NRXN1: variants seen among roughly 807,000 people sequenced by gnomAD.
NRXN1 encodes neurexin-1.
Under a neutral mutation model 150.9 loss-of-function variants are expected in NRXN1, and 39 were observed. The observed-to-expected ratio is 0.26, with a 90% CI of 0.20 to 0.34. The LOEUF is 0.34. Ranked by LOEUF, NRXN1 falls within the 10% of genes least tolerant of loss-of-function variation. The pLI, the probability that NRXN1 is intolerant of heterozygous loss-of-function variation, is 1.00. For missense variants in NRXN1, 1,815 were observed against 1,949.9 expected, an observed-to-expected ratio of 0.93 and a Z score of 1.30; for synonymous variants, 924 against 757.0, an observed-to-expected ratio of 1.22 and a Z score of -3.62.
At chr2:50,323,303 T>A (rs1285205129) in intron 17 of NRXN1, among the ~76,000 whole-genome samples, 1 of 152,148 alleles carries the variant, frequency 6.6e-6, no homozygotes, top group African/African-American at 2.4e-5. Context: ...AACAAAATAA[T>A]TTGCATTTCT....
intron 17 of NRXN1, among the ~76,000 whole-genome samples, chr2:50,459,969 T>A (rs2087994874): frequency 6.6e-6 from 1 of 152,064 alleles, no homozygotes; most frequent in Non-Finnish European, 1.5e-5. Flanking sequence ...TAAACACGGA[T>A]ATATAATGCA....
intron 17 of NRXN1, among the ~76,000 whole-genome samples, chr2:50,382,362 C>T (rs2081033049): frequency 6.6e-6 from 1 of 152,090 alleles, no homozygotes; most frequent in South Asian, 2.1e-4. Context: ...TGAGAAATAA[C>T]AAATTGTGGT....
At chr2:50,912,993 T>C (rs1231910340) in intron 5 of NRXN1, 2 of 151,892 alleles carry the variant, frequency 1.3e-5, no homozygotes, top group East Asian at 3.9e-4. Context: ...CAGCCAGTCC[T>C]CTGGAAAAGA....
chr2:50,531,978 T>C (rs2093128104), intron 10 of NRXN1, among the ~76,000 whole-genome samples: 2 of 152,088 alleles, frequency 1.3e-5, no homozygotes, highest in South Asian at 4.1e-4. Flanking sequence ...CCTGAGTAGC[T>C]GGGACCACAG....
rs527609876 is a variant in NRXN1 at position 50,971,378 on chromosome 2, T to C, written c.773-45423A>G. Among the ~76,000 whole-genome samples the C allele has an allele frequency of 2.6e-5, 4 of 151,752 alleles. No homozygotes were observed. In the South Asian group the frequency reaches 8.3e-4, roughly 32 times the overall value. The stretch of plus-strand genomic sequence containing the variant: ...AGTGGGCGGATCACAAGGTCAGGAG[T>C]TTGAGACCAGCCTGGCCAACATGGT... On this transcript the variant is annotated intron_variant, in intron 2 of 22. Coordinates refer to ENST00000401669, the MANE Select transcript of NRXN1 (RefSeq NM_001330078.2).
intron 18 of NRXN1, among the ~76,000 whole-genome samples, chr2:50,099,906 G>T (rs916260749): frequency 6.6e-6 from 1 of 152,100 alleles, no homozygotes; most frequent in Non-Finnish European, 1.5e-5. Context: ...CTGAGGCAGA[G>T]CATGCTTGAT....
In NRXN1 at chr2:50,820,610, G is replaced by A. The variant is rs140641105; in HGVS notation, c.832+101259C>T. On this transcript the variant is annotated intron_variant, in intron 5 of 22. Coordinates refer to ENST00000401669, the MANE Select transcript of NRXN1 (RefSeq NM_001330078.2). ...TGTTTCCAACCTATTCTTGTTTGCCGTCTGCCTTTCATCCTCGCTCTACCC... is the reference window on the plus strand; with the variant it reads ...TGTTTCCAACCTATTCTTGTTTGCCATCTGCCTTTCATCCTCGCTCTACCC... Among the ~76,000 whole-genome samples the A allele has an allele frequency of 4.9e-3, 747 of 152,222 alleles. 6 individuals are homozygous for A. Among genetic ancestry groups the A allele is most frequent in the African/African-American group, 0.017 (702 of 41,522 alleles).
intron 5 of NRXN1, among the ~76,000 whole-genome samples, chr2:50,765,450 T>C (rs548895866): frequency 1.3e-3 from 194 of 152,182 alleles, no homozygotes; most frequent in African/African-American, 4.4e-3. Context: ...CACTTTTCTC[T>C]GTTTCCTTGT....
chr2:50,367,233 C>T (rs902776589), intron 17 of NRXN1, among the ~76,000 whole-genome samples: 3 of 152,006 alleles, frequency 2.0e-5, no homozygotes, highest in African/African-American at 7.2e-5. Flanking sequence ...TACTATGGAA[C>T]TAAAGAAATG....
intron 8 of NRXN1, among the ~76,000 whole-genome samples, chr2:50,586,948 T>C (rs1413866752): frequency 1.3e-5 from 2 of 152,210 alleles, no homozygotes; most frequent in African/African-American, 4.8e-5. Context: ...TTGCCATTGG[T>C]GTCAATACAT....
rs183002338 is a variant in NRXN1 at position 50,924,768 on chromosome 2, T to C, written c.790+1170A>G. Among the ~76,000 whole-genome samples the C allele has an allele frequency of 2.6e-4, 39 of 151,864 alleles. No individual in the cohort carries two copies. In the East Asian group the frequency reaches 5.8e-3, roughly 23 times the overall value. On this transcript the variant is annotated intron_variant, in intron 3 of 22. Transcript: ENST00000401669. Reference sequence around the variant, plus strand: ...TTATTTAAATAACAAAACAGAAATGTTCAGCAGCTAAGCAATTATAATATT... The same window carrying C: ...TTATTTAAATAACAAAACAGAAATGCTCAGCAGCTAAGCAATTATAATATT...
rs148730088 is a variant in NRXN1 at position 50,696,952 on chromosome 2, T to C, written c.833-73337A>G. 1.8e-3 allele frequency among the ~76,000 whole-genome samples: 273 copies of C among 152,198 alleles called. 2 individuals carry two copies. Among genetic ancestry groups the C allele is most frequent in the Non-Finnish European group, 2.0e-3 (135 of 68,010 alleles). ...AACAGAAACCAGTGGCATTGTTAAT[T>C]TCCACTTTTGTTTCCAAATTGTTGC... On this transcript the variant is annotated intron_variant, in intron 5 of 22. Coordinates refer to ENST00000401669, the MANE Select transcript of NRXN1 (RefSeq NM_001330078.2).
chr2:50,987,869 G>A (rs1443578209), intron 2 of NRXN1, among the ~76,000 whole-genome samples: 3 of 151,872 alleles, frequency 2.0e-5, no homozygotes, highest in African/African-American at 7.2e-5. Flanking sequence ...TGCAGAAAAG[G>A]AACACTACGA....
At chr2:50,541,758 C>T (rs2093395280) in intron 9 of NRXN1, among the ~76,000 whole-genome samples, 1 of 143,562 alleles carries the variant, frequency 7.0e-6, no homozygotes, top group African/African-American at 2.5e-5. Flanking sequence ...AAAAAATATT[C>T]AACTCTACAG....
intron 17 of NRXN1, among the ~76,000 whole-genome samples, chr2:50,329,923 C>T (rs572235715): frequency 3.4e-4 from 52 of 151,550 alleles, no homozygotes; most frequent in African/African-American, 1.1e-3. Context: ...CCACCCGCCT[C>T]GGCCTCCAAA....
At chr2:50,872,869 G>T (rs892012684) in intron 5 of NRXN1, among the ~76,000 whole-genome samples, 2 of 151,828 alleles carry the variant, frequency 1.3e-5, no homozygotes, top group Admixed American at 1.3e-4. Flanking sequence ...ATGTAGTGAA[G>T]AATTTACACG....
intron 21 of NRXN1, among the ~76,000 whole-genome samples, chr2:50,001,318 C>T (rs1425825495): frequency 1.3e-5 from 2 of 152,120 alleles, no homozygotes; most frequent in African/African-American, 2.4e-5. Flanking sequence ...TAACTGCTTA[C>T]ATTGAAGACA....
chr2:50,735,078 T>C lies in NRXN1; in HGVS notation c.833-111463A>G, dbSNP rs1276369333. 7.9e-5 allele frequency among the ~76,000 whole-genome samples: 12 copies of C among 152,296 alleles called. No individual in the cohort carries two copies. In the East Asian group the frequency reaches 2.3e-3, roughly 29 times the overall value. On this transcript the variant is annotated intron_variant, in intron 5 of 22. Transcript: ENST00000401669. ...TTAGAGTGAAATGGTGTTAGACTAT[T>C]CTCATTAACTTTTAAAAGCTTAAAG...
intron 2 of NRXN1, among the ~76,000 whole-genome samples, chr2:50,956,414 T>TTAAG (rs1342701499): frequency 2.6e-5 from 4 of 152,124 alleles, no homozygotes; most frequent in Admixed American, 2.0e-4. Flanking sequence ...TACTAGCTAC[T>TTAAG]TACTCACTAA....
Sources: allele counts gnomAD v4.1 joint callset (sites outside exome capture counted in the v4.1 genomes callset), GRCh38; gene constraint gnomAD v4.1.1; transcripts MANE v1.5; gene names NCBI Gene and HGNC (gene_info 2026-07-23, HGNC 2026-07-21).